Variants in AKAP13 observed in about 807,000 individuals in gnomAD.
The protein encoded by AKAP13 is A-kinase anchoring protein 13.
AKAP13 carries 80 observed loss-of-function variants against 264.5 expected under a neutral mutation model. The observed-to-expected ratio is 0.30, with a 90% CI of 0.25 to 0.36. AKAP13 has a LOEUF of 0.36. AKAP13 is among the 10% of genes least tolerant of loss of function. AKAP13 has a pLI of 1.00. For synonymous variants in AKAP13, 1,380 were observed against 1,250.2 expected (o/e 1.10, Z -2.19); for missense variants, 3,712 against 3,435.2 (o/e 1.08, Z -2.01).
At position 85,431,591 on chromosome 15, in the gene AKAP13, G is replaced by A. The variant is rs947611767; in HGVS notation, c.-12+50793G>A. 8.5e-5 allele frequency among the ~76,000 whole-genome samples: 13 copies of A among 152,134 alleles called. 1 individual carries two copies. The highest frequency in any genetic ancestry group is 7.8e-4 in the Admixed American group (12 of 15,288). On this transcript the variant is annotated intron_variant, in intron 1 of 36. Transcript: ENST00000394518. ...TGGATATAAAAGCTTTGAGGTGAAGGAGTGGTCAGGTGATGAGGTGCTGGT... is the reference window on the plus strand; with the variant it reads ...TGGATATAAAAGCTTTGAGGTGAAGAAGTGGTCAGGTGATGAGGTGCTGGT...
rs141002962 is a variant in AKAP13 at position 85,503,220 on chromosome 15, A to G, written c.33+17467A>G. 4.7e-3 allele frequency among the ~76,000 whole-genome samples: 721 copies of G among 152,350 alleles called. 5 individuals carry two copies. The highest frequency in any genetic ancestry group is 0.016 in the African/African-American group (672 of 41,576). ...CAAGAGCCATTATTTCATGCATTTC[A>G]GATATGGGATTATAATAATTTCCAT... On this transcript the variant is annotated intron_variant, in intron 2 of 36. Transcript: ENST00000394518.
chr15:85,616,923 G>C (rs2080960751), intron 8 of AKAP13, among the ~76,000 whole-genome samples: 3 of 152,212 alleles, frequency 2.0e-5, no homozygotes, highest in African/African-American at 7.2e-5. Flanking sequence ...ACAAGGAACA[G>C]AATATGTAAG....
chr15:85,631,980 A>G (rs1444714906), intron 8 of AKAP13, among the ~76,000 whole-genome samples: 1 of 152,194 alleles, frequency 6.6e-6, no homozygotes, highest in Non-Finnish European at 1.5e-5. Context: ...AATTGAAAAT[A>G]GATTAGGAGA....
intron 1 of AKAP13, among the ~76,000 whole-genome samples, chr15:85,423,073 A>G (rs980015026): frequency 1.3e-5 from 2 of 152,246 alleles, no homozygotes; most frequent in Admixed American, 6.5e-5. Flanking sequence ...AAAAAATGCT[A>G]ACAATCATGT....
In AKAP13 at chr15:85,579,659, A is replaced by G; in HGVS notation, c.1591A>G (p.Ile531Val). The change falls in exon 7 of 37, where the codon ATC becomes GTC. Residue 531 changes from isoleucine to valine, a missense_variant. Transcript: ENST00000394518. ...VHVTSKPVDK[I>V]SVPNCAPAAS... ...CGTCACAAGTAAGCCTGTGGATAAA[A>G]TCAGTGTTCCAAACTGTGCCCCTGC... The G allele has an allele frequency of 6.2e-7, 1 of 1,614,218 alleles. No individual in the cohort carries two copies. The highest frequency in any genetic ancestry group is 8.5e-7 in the Non-Finnish European group (1 of 1,180,030).
At chr15:85,612,755 C>T (rs530204196) in intron 8 of AKAP13, among the ~76,000 whole-genome samples, 5 of 147,278 alleles carry the variant, frequency 3.4e-5, no homozygotes, top group Non-Finnish European at 4.5e-5. Flanking sequence ...GCCTGGGAGG[C>T]GAAGGTTGTG....
At chr15:85,570,935 T>TG (rs759223811) in intron 5 of AKAP13, among the ~76,000 whole-genome samples, 1 of 149,770 alleles carries the variant, frequency 6.7e-6, no homozygotes, top group Non-Finnish European at 1.5e-5. Context: ...TTGGAGAGGG[T>TG]GGGGAAATGC....
At chr15:85,528,203 G>A (rs903001233) in intron 3 of AKAP13, among the ~76,000 whole-genome samples, 3 of 152,088 alleles carry the variant, frequency 2.0e-5, no homozygotes, top group Non-Finnish European at 4.4e-5. Context: ...TCCCAACCTC[G>A]CACACACACA....
intron 1 of AKAP13, among the ~76,000 whole-genome samples, chr15:85,387,172 T>TA (rs1050002222): frequency 1.3e-5 from 2 of 151,790 alleles, no homozygotes; most frequent in African/African-American, 4.8e-5. Context: ...CCGTCTCTAC[T>TA]AAAAAATACA....
chr15:85,673,954 G>A (rs1023927196), intron 14 of AKAP13, among the ~76,000 whole-genome samples: 3 of 151,730 alleles, frequency 2.0e-5, no homozygotes, highest in Non-Finnish European at 2.9e-5. Flanking sequence ...GCCTCCCAAA[G>A]TGCTGGGATT....
chr15:85,504,608 C>T (rs901704994), intron 2 of AKAP13, among the ~76,000 whole-genome samples: 1 of 146,522 alleles, frequency 6.8e-6, no homozygotes, highest in Non-Finnish European at 1.5e-5. Context: ...AGGAGGGTTG[C>T]TCAAGCCTGG....
rs772936035 is a variant in AKAP13, at chr15:85,721,921, A to T, written c.6253-70A>T. Reference sequence around the variant, plus strand: ...CTCTTGACTTTTACAACTAGACTGGAAACATTTTACAAAATGGTATTATGA... The same window carrying T: ...CTCTTGACTTTTACAACTAGACTGGTAACATTTTACAAAATGGTATTATGA... On this transcript the variant is annotated intron_variant, in intron 23 of 36. Coordinates refer to ENST00000394518, the MANE Select transcript of AKAP13 (RefSeq NM_007200.5). 570 of 1,591,074 alleles carry T rather than the reference A, an allele frequency of 3.6e-4. 5 individuals carry two copies. Among genetic ancestry groups the T allele is most frequent in the Middle Eastern group, 1.7e-4 (1 of 5,942 alleles).
At position 85,531,846 on chromosome 15, in the gene AKAP13, C is replaced by G. The variant is rs1018859928; in HGVS notation, c.182-1738C>G. Reference sequence around the variant, plus strand: ...CAATTATTCTTGCTTAAAAGTTAAACTAGCCCATCATTCCAAGTGTTAGGC... The same window carrying G: ...CAATTATTCTTGCTTAAAAGTTAAAGTAGCCCATCATTCCAAGTGTTAGGC... On this transcript the variant is annotated intron_variant, in intron 3 of 36. Transcript: ENST00000394518. Among the ~76,000 whole-genome samples the G allele has an allele frequency of 2.6e-5, 4 of 152,318 alleles. No homozygotes were observed. In the South Asian group the frequency reaches 6.2e-4, roughly 24 times the overall value.
intron 1 of AKAP13, among the ~76,000 whole-genome samples, chr15:85,443,375 A>G (rs1007709975): frequency 6.6e-6 from 1 of 152,202 alleles, no homozygotes; most frequent in African/African-American, 2.4e-5. Flanking sequence ...TGATTTCATC[A>G]TCAATTTTAC....
At chr15:85,531,678 G>C (rs1350211569) in intron 3 of AKAP13, among the ~76,000 whole-genome samples, 1 of 152,116 alleles carries the variant, frequency 6.6e-6, no homozygotes, top group Admixed American at 6.5e-5. Flanking sequence ...GCATGTGCAC[G>C]TGCTCGCACT....
intron 1 of AKAP13, among the ~76,000 whole-genome samples, chr15:85,406,410 T>G (rs1205297721): frequency 6.8e-6 from 1 of 146,746 alleles, no homozygotes; most frequent in African/African-American, 2.7e-5. Context: ...TTTTTTTTGT[T>G]TTTTTTTTGG....
chr15:85,478,633 T>G (rs1030121712), intron 1 of AKAP13, among the ~76,000 whole-genome samples: 2 of 152,168 alleles, frequency 1.3e-5, no homozygotes, highest in Non-Finnish European at 2.9e-5. Context: ...GTTCTTTTGT[T>G]TTACTGTTGA....
intron 8 of AKAP13, among the ~76,000 whole-genome samples, chr15:85,614,488 A>C (rs2080850185): frequency 6.6e-6 from 1 of 152,258 alleles, no homozygotes; most frequent in African/African-American, 2.4e-5. Context: ...TTGGCAGAGA[A>C]GTTGAGTCCG....
chr15:85,419,330 A>G (rs536237909), intron 1 of AKAP13, among the ~76,000 whole-genome samples: 1 of 152,310 alleles, frequency 6.6e-6, no homozygotes, highest in Non-Finnish European at 1.5e-5. Context: ...AGTTGCCATT[A>G]TGTTGCCCCA....
Sources: allele counts gnomAD v4.1 joint callset (sites outside exome capture counted in the v4.1 genomes callset), GRCh38; gene constraint gnomAD v4.1.1; transcripts MANE v1.5; gene names NCBI Gene and HGNC (gene_info 2026-07-23, HGNC 2026-07-21).